The following PTPRM variants were observed in gnomAD, a reference collection of about 807,000 sequenced individuals.
The protein encoded by PTPRM is receptor-type tyrosine-protein phosphatase mu.
A neutral mutation model predicts 186.7 loss-of-function variants in PTPRM; 47 were observed. The ratio of observed to expected loss-of-function variants is 0.25; its 90% CI spans 0.20 to 0.32. PTPRM has a LOEUF of 0.32. PTPRM is among the 10% of genes least tolerant of loss of function. The pLI, the probability that PTPRM is intolerant of heterozygous loss-of-function variation, is 1.00. For synonymous variants in PTPRM, 668 were observed against 674.9 expected (o/e 0.99, Z 0.16); for missense variants, 1,494 against 1,865.0 (o/e 0.80, Z 3.66).
chr18:7,781,287 TA>T (rs1249831713), intron 2 of PTPRM, among the ~76,000 whole-genome samples: 11 of 152,124 alleles, frequency 7.2e-5, no homozygotes, highest in East Asian at 1.9e-4. Flanking sequence ...ATACAATAAT[TA>T]AAAAAAGTCT....
intron 13 of PTPRM, among the ~76,000 whole-genome samples, chr18:8,142,711 G>A (rs189432304): frequency 5.3e-5 from 8 of 152,204 alleles, no homozygotes; most frequent in South Asian, 2.1e-4. Context: ...TCCTCCATTC[G>A]GAATGACCTG....
intron 1 of PTPRM, among the ~76,000 whole-genome samples, chr18:7,716,118 A>G (rs992251843): frequency 6.6e-6 from 1 of 152,196 alleles, no homozygotes; most frequent in African/African-American, 2.4e-5. Context: ...CTATACTACA[A>G]GTCTACAGTA....
chr18:7,837,421 G>A (rs188804008), intron 2 of PTPRM, among the ~76,000 whole-genome samples: 124 of 151,928 alleles, frequency 8.2e-4, no homozygotes, highest in Non-Finnish European at 1.6e-4. Context: ...CCTTCTCTGT[G>A]TTATCTTTAA....
chr18:7,961,424 G>T (rs1000755544), intron 7 of PTPRM, among the ~76,000 whole-genome samples: 3 of 152,130 alleles, frequency 2.0e-5, no homozygotes, highest in Non-Finnish European at 1.5e-5. Context: ...TGTTCTCCAG[G>T]TTTATCCATG....
At chr18:8,235,227 A>G (rs937465755) in intron 14 of PTPRM, among the ~76,000 whole-genome samples, 5 of 152,108 alleles carry the variant, frequency 3.3e-5, no homozygotes, top group African/African-American at 1.2e-4. Flanking sequence ...TTGAAAGGTT[A>G]TTAATTATTG....
rs1476561586 is a variant in PTPRM at position 7,568,500 on chromosome 18, C to T, written c.73+609C>T. Among the ~76,000 whole-genome samples, 1 of 152,060 alleles carries T rather than the reference C, an allele frequency of 6.6e-6. No homozygotes were observed. The highest frequency in any genetic ancestry group is 2.4e-5 in the African/African-American group (1 of 41,442). On this transcript the variant is annotated intron_variant, in intron 1 of 32. Transcript: ENST00000580170. The surrounding 1 kb of genome is among the most constrained non-coding windows in gnomAD (Gnocchi z 5.1). ...TGCGGAGAGGCTGGGGGGAGTTCCT[C>T]GCCGGTCCCAGCGGTAGGGCTTGGC...
At chr18:7,869,821 G>A (rs950386480) in intron 2 of PTPRM, among the ~76,000 whole-genome samples, 8 of 152,130 alleles carry the variant, frequency 5.3e-5, no homozygotes, top group African/African-American at 9.7e-5. Flanking sequence ...TCTGTGGGGC[G>A]TGGATATCAG....
chr18:8,087,777 T>C (rs1001687085), intron 10 of PTPRM, among the ~76,000 whole-genome samples: 2 of 152,172 alleles, frequency 1.3e-5, no homozygotes, highest in Admixed American at 1.3e-4. Flanking sequence ...ACAAATCTTT[T>C]TGTATATGTA....
chr18:8,126,000 T>TTTTTTTTTTTTTTTTTTTA (rs2092335388), intron 13 of PTPRM, among the ~76,000 whole-genome samples: 1 of 16,314 alleles, frequency 6.1e-5, no homozygotes, highest in African/African-American at 1.2e-4. Context: ...TATATATATA[T>TTTTTTTTTTTTTTTTTTTA]ATATATATAT....
In PTPRM at chr18:7,590,210, G is replaced by C. The variant is rs1040938127; in HGVS notation, c.73+22319G>C. On this transcript the variant is annotated intron_variant, in intron 1 of 32. Transcript: ENST00000580170. ...TGCTTATCCCTTTTGCTAATATTAA[G>C]TCAAGTTTCTCCTTAATTTTTCTTC... is the stretch of plus-strand genomic sequence containing the variant. Among the ~76,000 whole-genome samples, 10 of 152,186 alleles carry C rather than the reference G, an allele frequency of 6.6e-5. 1 individual carries two copies. Among genetic ancestry groups the C allele is most frequent in the Non-Finnish European group, 1.3e-4 (9 of 68,028 alleles).
In PTPRM at chr18:7,773,452, A is replaced by G. The variant is rs1046512539; in HGVS notation, c.74-697A>G. On this transcript the variant is annotated intron_variant, in intron 1 of 32. Transcript: ENST00000580170. ...CTTCTTTATTGAAAACATGTTGAAC[A>G]TTTAAGTCAGTTCTCTTAAAATTTT... is the stretch of plus-strand genomic sequence containing the variant. Among the ~76,000 whole-genome samples, 3 of 151,874 alleles carry G rather than the reference A, an allele frequency of 2.0e-5. No individual in the cohort carries two copies. The East Asian group carries it at 5.8e-4, about 29-fold the overall frequency.
chr18:8,063,215 G>A (rs1190386997), intron 7 of PTPRM, among the ~76,000 whole-genome samples: 1 of 151,204 alleles, frequency 6.6e-6, no homozygotes, highest in African/African-American at 2.5e-5. Flanking sequence ...GGAGTGACCC[G>A]ATTTTCCAGG....
At chr18:8,014,897 C>T (rs1052677631) in intron 7 of PTPRM, among the ~76,000 whole-genome samples, 1 of 151,932 alleles carries the variant, frequency 6.6e-6, no homozygotes, top group Non-Finnish European at 1.5e-5. Context: ...TTGTCAATTA[C>T]AGAATTTTTT....
At chr18:8,097,688 CTGAGAA>C (rs2145477326) in intron 11 of PTPRM, among the ~76,000 whole-genome samples, 1 of 152,230 alleles carries the variant, frequency 6.6e-6, no homozygotes, top group East Asian at 1.9e-4. Flanking sequence ...GAGTGTCTTA[CTGAGAA>C]TGTGTTACTT....
intron 2 of PTPRM, among the ~76,000 whole-genome samples, chr18:7,834,396 A>T (rs902016663): frequency 1.2e-4 from 17 of 147,000 alleles, no homozygotes; most frequent in African/African-American, 4.0e-4. Context: ...ATATATACAT[A>T]TGTATATATA....
At chr18:8,040,827 T>C (rs1193157141) in intron 7 of PTPRM, among the ~76,000 whole-genome samples, 1 of 152,216 alleles carries the variant, frequency 6.6e-6, no homozygotes, top group Non-Finnish European at 1.5e-5. Context: ...CTAAAATTGA[T>C]TTCATCCTAT....
At chr18:8,068,036 T>C (rs2089213625) in intron 7 of PTPRM, among the ~76,000 whole-genome samples, 1 of 152,206 alleles carries the variant, frequency 6.6e-6, no homozygotes, top group Non-Finnish European at 1.5e-5. Flanking sequence ...TGATTTGTAG[T>C]TGTCAGGTCT....
intron 13 of PTPRM, among the ~76,000 whole-genome samples, chr18:8,137,084 A>G (rs2092655059): frequency 6.6e-6 from 1 of 152,186 alleles, no homozygotes; most frequent in Admixed American, 6.5e-5. Flanking sequence ...ATATTTTTAC[A>G]TATTTCCACT....
intron 7 of PTPRM, among the ~76,000 whole-genome samples, chr18:8,030,723 A>G (rs2085910125): frequency 6.6e-6 from 1 of 152,234 alleles, no homozygotes; most frequent in African/African-American, 2.4e-5. Flanking sequence ...AGATAATCCA[A>G]TGACAACATG....
Sources: allele counts gnomAD v4.1 joint callset (sites outside exome capture counted in the v4.1 genomes callset), GRCh38; gene constraint gnomAD v4.1.1; non-coding constraint Gnocchi (gnomAD v3.1); transcripts MANE v1.5; gene names NCBI Gene and HGNC (gene_info 2026-07-23, HGNC 2026-07-21).